ADGB: variants seen among roughly 807,000 people sequenced by gnomAD.
ADGB encodes androglobin, also known as calpain-7-like protein.
ADGB carries 172 observed loss-of-function variants against 210.5 expected under a neutral mutation model. That is an observed-to-expected ratio of 0.82 (90% CI 0.72 to 0.93). ADGB has a LOEUF of 0.93. Among genes scored for constraint, ADGB ranks in the 40% least tolerant of loss-of-function variants. The pLI is 0.00. For missense variants in ADGB, 2,025 were observed against 1,964.8 expected (o/e 1.03, Z -0.58); for synonymous variants, 658 against 662.7 (o/e 0.99, Z 0.11).
At chr6:146,813,890 T>G (rs1778341176) in intron 35 of ADGB, among the ~76,000 whole-genome samples, 1 of 152,186 alleles carries the variant, frequency 6.6e-6, no homozygotes, top group Admixed American at 6.5e-5. Context: ...GAGTTTTGAT[T>G]GAAGCCATTT....
chr6:146,797,009 CA>C (rs1778053642), intron 33 of ADGB, among the ~76,000 whole-genome samples: 1 of 151,868 alleles, frequency 6.6e-6, no homozygotes, highest in Non-Finnish European at 1.5e-5. Flanking sequence ...GAAAAAATAA[CA>C]AATAACCCCA....
At chr6:146,631,602 T>C (rs1421234474) in intron 1 of ADGB, among the ~76,000 whole-genome samples, 1 of 152,102 alleles carries the variant, frequency 6.6e-6, no homozygotes. Context: ...AAATAGATGA[T>C]AGAGATAGAT....
intron 2 of ADGB, among the ~76,000 whole-genome samples, chr6:146,641,918 C>T (rs142881054): frequency 0.013 from 1,938 of 152,130 alleles, 19 homozygotes; most frequent in Middle Eastern, 0.037. Flanking sequence ...TCTAATTAAA[C>T]TTAAGAGCTT....
chr6:146,634,057 C>T (rs1781102213), intron 1 of ADGB, among the ~76,000 whole-genome samples: 1 of 152,026 alleles, frequency 6.6e-6, no homozygotes, highest in Admixed American at 6.6e-5. Flanking sequence ...TCTGTTTTAA[C>T]TTTTATACCG....
chr6:146,706,118 G>T (rs1278956700), intron 13 of ADGB, among the ~76,000 whole-genome samples: 1 of 151,858 alleles, frequency 6.6e-6, no homozygotes, highest in East Asian at 1.9e-4. Context: ...TACAAATGGG[G>T]TCTTGCTATG....
chr6:146,806,215 A>C (rs551275151), intron 35 of ADGB, among the ~76,000 whole-genome samples: 1 of 152,216 alleles, frequency 6.6e-6, no homozygotes, highest in Non-Finnish European at 1.5e-5. Flanking sequence ...GACAGCTTTG[A>C]GTTCACTCCC....
intron 1 of ADGB, among the ~76,000 whole-genome samples, chr6:146,606,925 A>C (rs60260546): frequency 6.6e-6 from 1 of 152,040 alleles, no homozygotes; most frequent in Non-Finnish European, 1.5e-5. Context: ...CTTTTTTTCC[A>C]ATTCTGTGTA....
chr6:146,679,757 A>G (rs1480810979), intron 9 of ADGB, among the ~76,000 whole-genome samples: 1 of 152,230 alleles, frequency 6.6e-6, no homozygotes, highest in Non-Finnish European at 1.5e-5. Context: ...TTTTCTCTAA[A>G]TAACTACATT....
chr6:146,696,826 G>A (rs1776410913), intron 12 of ADGB, among the ~76,000 whole-genome samples: 1 of 152,040 alleles, frequency 6.6e-6, no homozygotes, highest in African/African-American at 2.4e-5. Context: ...GAGGCTTGGT[G>A]TATTTCATAT....
chr6:146,751,473 T>C (rs1777320439), intron 26 of ADGB, among the ~76,000 whole-genome samples: 1 of 152,104 alleles, frequency 6.6e-6, no homozygotes, highest in African/African-American at 2.4e-5. Context: ...TAGAATGATT[T>C]ATGTTTCTCT....
chr6:146,615,505 C>G (rs1780785062), intron 1 of ADGB, among the ~76,000 whole-genome samples: 1 of 152,182 alleles, frequency 6.6e-6, no homozygotes, highest in East Asian at 1.9e-4. Flanking sequence ...TATAGTCACT[C>G]TACTGTGCTA....
chr6:146,638,616 G>T (rs371949319), intron 2 of ADGB, among the ~76,000 whole-genome samples: 41 of 119,784 alleles, frequency 3.4e-4, no homozygotes, highest in South Asian at 3.4e-4. Flanking sequence ...GGGTGGGGGG[G>T]GGGGGGAGGG....
chr6:146,650,996 G>A (rs1775693427), intron 3 of ADGB, among the ~76,000 whole-genome samples: 1 of 152,204 alleles, frequency 6.6e-6, no homozygotes, highest in Admixed American at 6.5e-5. Flanking sequence ...AGATGGCAGC[G>A]ACAGAGGATT....
intron 1 of ADGB, among the ~76,000 whole-genome samples, chr6:146,631,358 CT>C (rs371295186): frequency 1.1e-3 from 167 of 152,132 alleles, no homozygotes; most frequent in African/African-American, 4.0e-3. Context: ...GTAAGGTGTC[CT>C]TATAGGACTC....
rs1017834247 is a variant in ADGB at position 146,776,023 on chromosome 6, T to A, written c.3863-5997T>A. On this transcript the variant is annotated intron_variant, in intron 29 of 35. Transcript: ENST00000397944. ...AAACTGAATTTTTACAATTTTTATATGTTTCGTTATCCACTGAAGATTTCT... is the reference window on the plus strand; with the variant it reads ...AAACTGAATTTTTACAATTTTTATAAGTTTCGTTATCCACTGAAGATTTCT... Among the ~76,000 whole-genome samples, 10 of 152,250 alleles carry A rather than the reference T, an allele frequency of 6.6e-5. No individual in the cohort carries two copies. In the East Asian group the frequency reaches 1.9e-3, roughly 29 times the overall value.
intron 23 of ADGB, among the ~76,000 whole-genome samples, chr6:146,738,392 T>C (rs987619541): frequency 4.0e-5 from 6 of 150,966 alleles, no homozygotes; most frequent in Admixed American, 2.0e-4. Flanking sequence ...GTTTACCAAT[T>C]TATGATTTAG....
chr6:146,651,738 G>A (rs1312726221), intron 3 of ADGB, among the ~76,000 whole-genome samples: 3 of 152,052 alleles, frequency 2.0e-5, no homozygotes, highest in Non-Finnish European at 4.4e-5. Flanking sequence ...TTCAAAAGTA[G>A]CCCCTGGGAT....
At chr6:146,605,306 C>G (rs958815778) in intron 1 of ADGB, among the ~76,000 whole-genome samples, 57 of 152,082 alleles carry the variant, frequency 3.7e-4, no homozygotes, top group African/African-American at 1.3e-3. Flanking sequence ...TGAGTGTGCA[C>G]TGTGCACAGC....
intron 35 of ADGB, chr6:146,803,359 C>A: frequency 6.2e-7 from 1 of 1,607,014 alleles, no homozygotes; most frequent in East Asian, 2.2e-5. Context: ...GTTCGACTGT[C>A]ATGGTGTAAT....
Sources: allele counts gnomAD v4.1 joint callset (sites outside exome capture counted in the v4.1 genomes callset), GRCh38; gene constraint gnomAD v4.1.1; transcripts MANE v1.5; gene names NCBI Gene and HGNC (gene_info 2026-07-23, HGNC 2026-07-21).